Variants in CDYL observed in about 807,000 individuals in gnomAD.
CDYL encodes chromodomain Y like.
In CDYL, 8 loss-of-function variants were observed where a neutral mutation model predicts 47.3. The observed-to-expected ratio is 0.17, with a 90% confidence interval of 0.10 to 0.31. The LOEUF is 0.31. Ranked by LOEUF, CDYL falls within the 10% of genes least tolerant of loss-of-function variation. The pLI is 1.00. For missense variants in CDYL, 471 were observed against 701.4 expected (o/e 0.67, Z 3.71); for synonymous variants, 266 against 265.0 (o/e 1.00, Z -0.04).
At chr6:4,855,547 C>T (rs1760980371) in intron 1 of CDYL, among the ~76,000 whole-genome samples, 1 of 152,158 alleles carries the variant, frequency 6.6e-6, no homozygotes, top group South Asian at 2.1e-4. Flanking sequence ...AAGTTGCACA[C>T]ATGCACCCAC....
intron 1 of CDYL, among the ~76,000 whole-genome samples, chr6:4,839,048 G>A (rs1280518401): frequency 2.6e-5 from 4 of 152,072 alleles, no homozygotes; most frequent in Admixed American, 1.3e-4. Flanking sequence ...CCTGCCAGCA[G>A]TGTGTTTCCT....
intron 1 of CDYL, among the ~76,000 whole-genome samples, chr6:4,781,649 G>GT (rs1353798820): frequency 2.0e-5 from 3 of 152,006 alleles, no homozygotes; most frequent in Non-Finnish European, 4.4e-5. Context: ...CCAGAATAGC[G>GT]TTTTTTTCAT....
At chr6:4,806,151 G>A (rs1014222934) in intron 1 of CDYL, among the ~76,000 whole-genome samples, 2 of 152,226 alleles carry the variant, frequency 1.3e-5, no homozygotes, top group Non-Finnish European at 2.9e-5. Context: ...AGGTCAGCAG[G>A]AGGGGCCCTG....
Position 4,890,651 on chromosome 6 carries a change from C to T in CDYL, c.25-1062C>T, listed in dbSNP as rs151126957. Among the ~76,000 whole-genome samples the T allele has an allele frequency of 4.1e-3, 631 of 152,292 alleles. 4 individuals are homozygous for T. Among genetic ancestry groups the T allele is most frequent in the African/African-American group, 0.014 (593 of 41,560 alleles). On this transcript the variant is annotated intron_variant, in intron 1 of 6. Transcript: ENST00000397588. ...CATCAGCACTTCTACTCATTAGGCT[C>T]GAGTATTTGGGGATGTTAGAGAACC...
At chr6:4,747,194 C>G (rs545918330) in intron 3 of CDYL, among the ~76,000 whole-genome samples, 4 of 151,596 alleles carry the variant, frequency 2.6e-5, no homozygotes, top group African/African-American at 9.7e-5. Flanking sequence ...GTAATCCCAG[C>G]TACTCATGAG....
At chr6:4,722,816 G>A (rs1006657850) in intron 2 of CDYL, among the ~76,000 whole-genome samples, 15 of 152,202 alleles carry the variant, frequency 9.9e-5, no homozygotes, top group African/African-American at 3.6e-4. Context: ...GGCAGAGGTT[G>A]CAATGAGCCA....
chr6:4,952,770 G>A (rs541828089), intron 6 of CDYL, among the ~76,000 whole-genome samples: 1 of 152,100 alleles, frequency 6.6e-6, no homozygotes, highest in Non-Finnish European at 1.5e-5. Flanking sequence ...GTTGTTTTTG[G>A]GTTGTTGTTG....
intron 5 of CDYL, among the ~76,000 whole-genome samples, chr6:4,946,471 G>T (rs905410401): frequency 6.6e-6 from 1 of 151,928 alleles, no homozygotes; most frequent in African/African-American, 2.4e-5. Flanking sequence ...TTTTTGGCTT[G>T]CCCATCCACC....
At chr6:4,824,965 AGTT>A (rs1759938196) in intron 1 of CDYL, among the ~76,000 whole-genome samples, 1 of 151,746 alleles carries the variant, frequency 6.6e-6, no homozygotes, top group Admixed American at 6.6e-5. Context: ...CCATCTCCTG[AGTT>A]CAAGCAATTT....
At chr6:4,925,412 T>TTC (rs1554108352) in intron 2 of CDYL, among the ~76,000 whole-genome samples, 22 of 125,824 alleles carry the variant, frequency 1.7e-4, no homozygotes, top group African/African-American at 6.9e-4. Context: ...CTTTTTTCTT[T>TTC]TTTTTTTTTT....
At chr6:4,793,838 G>A (rs930522746) in intron 1 of CDYL, among the ~76,000 whole-genome samples, 1 of 152,152 alleles carries the variant, frequency 6.6e-6, no homozygotes, top group African/African-American at 2.4e-5. Flanking sequence ...GAAGGGACCT[G>A]GAGTTTTTGG....
At chr6:4,929,945 C>G (rs560425528) in intron 2 of CDYL, among the ~76,000 whole-genome samples, 9 of 151,894 alleles carry the variant, frequency 5.9e-5, no homozygotes, top group Non-Finnish European at 1.2e-4. Flanking sequence ...TTGTTGTATG[C>G]TTTTTTAAAG....
chr6:4,841,647 G>T (rs1397976627), intron 1 of CDYL, among the ~76,000 whole-genome samples: 1 of 152,022 alleles, frequency 6.6e-6, no homozygotes, highest in Non-Finnish European at 1.5e-5. Context: ...TTTCATTGTT[G>T]CCTGAGTGAT....
At position 4,873,751 on chromosome 6, in the gene CDYL, T is replaced by C. The variant is rs1483053723; in HGVS notation, c.25-17962T>C. Among the ~76,000 whole-genome samples the C allele has an allele frequency of 5.3e-5, 8 of 152,220 alleles. 1 individual carries two copies. Among genetic ancestry groups the C allele is most frequent in the Non-Finnish European group, 1.2e-4 (8 of 68,046 alleles). On this transcript the variant is annotated intron_variant, in intron 1 of 6. Coordinates refer to ENST00000397588, the MANE Select transcript of CDYL (RefSeq NM_004824.4). The stretch of plus-strand genomic sequence containing the variant: ...TGTCATTATTGAAGAAATTCAGAAA[T>C]GAAGTTTAGCATTCCTGTGGTGACA...
chr6:4,918,244 G>A (rs1757610870), intron 2 of CDYL, among the ~76,000 whole-genome samples: 1 of 44,210 alleles, frequency 2.3e-5, no homozygotes, highest in South Asian at 9.0e-4. Flanking sequence ...TCCCACTGCT[G>A]GAGAATTATA....
chr6:4,737,480 C>T (rs1757723711), intron 3 of CDYL, among the ~76,000 whole-genome samples: 1 of 152,050 alleles, frequency 6.6e-6, no homozygotes, highest in South Asian at 2.1e-4. Flanking sequence ...TGGTGAAACC[C>T]CGTGTCTACT....
chr6:4,943,568 C>A lies in CDYL; in HGVS notation c.1144C>A (p.Gln382Lys). 1 of 1,605,578 alleles carries A rather than the reference C, an allele frequency of 6.2e-7. No homozygotes were observed. The part of the protein sequence containing the change: ...AIRNFVNTFI[Q>K]FKKPIIVAVN... ...TAGAAACTTCGTGAATACTTTCATT[C>A]AATTTAAGAAGCCCATTATTGTAGC... The change falls in exon 5 of 7, where the codon CAA (glutamine) becomes AAA (lysine). Residue 382 changes from glutamine to lysine, a missense_variant. Physicochemically the swap from Gln to Lys is moderately conservative, Grantham distance 53. Coordinates refer to ENST00000397588, the MANE Select transcript of CDYL (RefSeq NM_004824.4).
intron 1 of CDYL, among the ~76,000 whole-genome samples, chr6:4,856,194 A>T (rs990125425): frequency 1.3e-5 from 2 of 152,230 alleles, no homozygotes; most frequent in African/African-American, 2.4e-5. Context: ...GGGGCATCAC[A>T]TGAGATCATA....
At chr6:4,918,136 G>A (rs188534113) in intron 2 of CDYL, among the ~76,000 whole-genome samples, 8 of 152,296 alleles carry the variant, frequency 5.3e-5, no homozygotes, top group Admixed American at 2.6e-4. Flanking sequence ...TGAGAGTCAG[G>A]ATAAACATGA....
Sources: gnomAD v4.1 joint callset for allele counts (sites outside exome capture counted in the v4.1 genomes callset) on GRCh38, gnomAD v4.1.1 for gene constraint, MANE v1.5 for transcripts, NCBI Gene and HGNC (gene_info 2026-07-23, HGNC 2026-07-21) for gene names.